Variants in ERO1B observed in about 807,000 individuals in gnomAD.
ERO1B encodes the protein endoplasmic reticulum oxidoreductase 1 beta.
ERO1B carries 49 observed loss-of-function variants against 75.3 expected under a neutral mutation model. The observed-to-expected ratio is 0.65, with a 90% CI of 0.52 to 0.83. The LOEUF is 0.83. Among genes scored for constraint, ERO1B ranks in the 40% least tolerant of loss-of-function variants. The pLI is 0.00. For missense variants in ERO1B, 512 were observed against 560.1 expected (o/e 0.91, Z 0.87); for synonymous variants, 191 against 192.9 (o/e 0.99, Z 0.08).
rs550413850 is a variant in ERO1B, at chr1:236,215,869, T to A, written c.*2647A>T. ...AGATCAAAATAGCTGTCCTTTCTTA[T>A]ATACAGTGGCACATAGGCAAAGTTG... On this transcript the variant is annotated 3_prime_UTR_variant, in exon 16 of 16. Coordinates refer to ENST00000354619, the MANE Select transcript of ERO1B (RefSeq NM_019891.4). 1.3e-5 allele frequency: 2 copies of A among 152,176 alleles called. No homozygotes were observed. The highest frequency in any genetic ancestry group is 4.8e-5 in the African/African-American group (2 of 41,450). The allele number at this position is 152,176 out of a possible 1,614,324, so 9.4% of individuals were successfully genotyped here.
intron 9 of ERO1B, among the ~76,000 whole-genome samples, chr1:236,231,500 G>GAAA (rs57411768): frequency 1.0e-5 from 1 of 95,888 alleles, no homozygotes; most frequent in Non-Finnish European, 2.3e-5. Context: ...TTAAACACTT[G>GAAA]AAAAAAAAAA....
At chr1:236,261,641 CATAA>C (rs2102961573) in intron 2 of ERO1B, among the ~76,000 whole-genome samples, 1 of 152,250 alleles carries the variant, frequency 6.6e-6, no homozygotes, top group East Asian at 1.9e-4. Flanking sequence ...AAACTGAAGA[CATAA>C]ATAAGTGGAA....
intron 13 of ERO1B, among the ~76,000 whole-genome samples, chr1:236,222,739 A>C (rs1231846166): frequency 1.3e-5 from 2 of 152,200 alleles, no homozygotes; most frequent in African/African-American, 2.4e-5. Flanking sequence ...CTAGTCCTAG[A>C]ACAATGATCA....
chr1:236,280,999 C>A (rs1311062109), intron 1 of ERO1B, among the ~76,000 whole-genome samples: 1 of 152,200 alleles, frequency 6.6e-6, no homozygotes, highest in African/African-American at 2.4e-5. Flanking sequence ...CAGCCAGCAC[C>A]TCACGACTGC....
intron 2 of ERO1B, among the ~76,000 whole-genome samples, chr1:236,261,704 A>G (rs928036576): frequency 1.3e-5 from 2 of 152,250 alleles, no homozygotes; most frequent in Non-Finnish European, 2.9e-5. Flanking sequence ...TAAAATGTCC[A>G]TATCACCTAA....
Position 236,281,845 on chromosome 1 carries a change from C to T in ERO1B, c.-62G>A. 7.9e-7 allele frequency: 1 copy of T among 1,265,572 alleles called. No individual in the cohort carries two copies. Among genetic ancestry groups the T allele is most frequent in the South Asian group, 1.9e-5 (1 of 53,724 alleles). 78.4% of individuals were successfully genotyped at this position (1,265,572 alleles called of 1,614,324 possible). A position where few individuals can be genotyped will look rare whatever the true frequency, so the allele number is the denominator to read the frequency against. ...TCGGGGCCGGGGAACGACGGGCGGC[C>T]CAGGCGACGACCCAAGGGGACGGTT... On this transcript the variant is annotated 5_prime_UTR_variant, in exon 1 of 16. Transcript: ENST00000354619.
intron 2 of ERO1B, among the ~76,000 whole-genome samples, chr1:236,257,807 G>A (rs1051704366): frequency 2.0e-5 from 3 of 151,016 alleles, no homozygotes; most frequent in Non-Finnish European, 2.9e-5. Context: ...GGGTCCAACA[G>A]CAGACTAGAT....
At position 236,258,894 on chromosome 1, in the gene ERO1B, T is replaced by C. The variant is rs181618712; in HGVS notation, c.223-5389A>G. On this transcript the variant is annotated intron_variant, in intron 2 of 15. Coordinates refer to ENST00000354619, the MANE Select transcript of ERO1B (RefSeq NM_019891.4). ...ATAGAGTAAGACTCCATCTCAAACA[T>C]AAATAAATAAATAAATTAGAAAACA... Among the ~76,000 whole-genome samples the C allele has an allele frequency of 2.1e-3, 314 of 151,844 alleles. 5 individuals carry two copies. The highest frequency in any genetic ancestry group is 1.6e-4 in the Non-Finnish European group (11 of 67,902).
At chr1:236,276,404 A>G (rs1264237418) in intron 1 of ERO1B, among the ~76,000 whole-genome samples, 1 of 152,236 alleles carries the variant, frequency 6.6e-6, no homozygotes, top group African/African-American at 2.4e-5. Flanking sequence ...TCAAATGATT[A>G]GCAGTCAATG....
intron 2 of ERO1B, among the ~76,000 whole-genome samples, chr1:236,260,562 G>T (rs1428001314): frequency 1.3e-5 from 2 of 152,022 alleles, no homozygotes; most frequent in Admixed American, 6.5e-5. Flanking sequence ...CTACTCAACA[G>T]GCTGAGGCAG....
At chr1:236,244,165 T>G (rs1405628) in intron 5 of ERO1B, among the ~76,000 whole-genome samples, 48,181 of 152,010 alleles carry the variant, frequency 0.32, 8,276 homozygotes, top group East Asian at 0.77. Context: ...ATGATGGTAG[T>G]ATCTATCAGA....
chr1:236,274,465 G>C (rs1314815684), intron 1 of ERO1B, among the ~76,000 whole-genome samples: 1 of 151,930 alleles, frequency 6.6e-6, no homozygotes, highest in East Asian at 1.9e-4. Flanking sequence ...TTTCTGTTAG[G>C]TTATCTTCTT....
rs1665478525 is a variant in ERO1B, at chr1:236,267,601, C to A, written c.222+2274G>T. Among the ~76,000 whole-genome samples the A allele has an allele frequency of 2.6e-5, 4 of 152,250 alleles. No homozygotes were observed. In the South Asian group the frequency reaches 8.3e-4, roughly 32 times the overall value. ...TGGTTTTTGATACAAGAAACACTTCCCCCACTGTATTACATTGAGCAATAT... is the reference window on the plus strand; with the variant it reads ...TGGTTTTTGATACAAGAAACACTTCACCCACTGTATTACATTGAGCAATAT... On this transcript the variant is annotated intron_variant, in intron 2 of 15. Transcript: ENST00000354619.
intron 1 of ERO1B, among the ~76,000 whole-genome samples, chr1:236,279,065 A>C (rs946405423): frequency 2.6e-5 from 4 of 152,234 alleles, no homozygotes; most frequent in African/African-American, 9.6e-5. Flanking sequence ...TACTGTATAG[A>C]CCAGAAAGGG....
At chr1:236,221,585 T>G (rs2102937578) in intron 14 of ERO1B, among the ~76,000 whole-genome samples, 1 of 152,346 alleles carries the variant, frequency 6.6e-6, no homozygotes, top group East Asian at 1.9e-4. Flanking sequence ...TATTTCAATC[T>G]TTTTATGTAA....
At chr1:236,268,711 C>G (rs550968885) in intron 2 of ERO1B, among the ~76,000 whole-genome samples, 4 of 151,364 alleles carry the variant, frequency 2.6e-5, no homozygotes, top group South Asian at 4.2e-4. Flanking sequence ...ATGGTGAAAC[C>G]CCGTCTCTAC....
rs762292679 is a variant in ERO1B at position 236,226,378 on chromosome 1, A to G, written c.943T>C (p.Ser315Pro). 6.2e-7 allele frequency: 1 copy of G among 1,614,096 alleles called. No homozygotes were observed. Among genetic ancestry groups the G allele is most frequent in the South Asian group, 1.1e-5 (1 of 91,078 alleles). ...FLYLIELRAL[S>P]KVAPYFERSI... is the part of the protein sequence containing the mutation. The stretch of plus-strand genomic sequence containing the variant: ...CGCTCAAAATATGGAGCCACCTTTG[A>G]CAAAGCTCGAAGCTCAATCAAGTAT... Residue 315 changes from serine to proline, a missense_variant, in exon 12 of 16, where the codon TCA becomes CCA. Ser to Pro is a moderately conservative substitution (Grantham distance 74). Coordinates refer to ENST00000354619, the MANE Select transcript of ERO1B (RefSeq NM_019891.4).
chr1:236,257,479 A>C (rs1665184563), intron 2 of ERO1B, among the ~76,000 whole-genome samples: 1 of 151,674 alleles, frequency 6.6e-6, no homozygotes, highest in African/African-American at 2.4e-5. Context: ...ATAAAGAATA[A>C]ACCTCCTGAA....
chr1:236,251,867 A>G (rs1216825248), intron 4 of ERO1B, among the ~76,000 whole-genome samples, 183 bp downstream of exon 4: 1 of 152,228 alleles, frequency 6.6e-6, no homozygotes, highest in Non-Finnish European at 1.5e-5. Context: ...AGCAATTTCA[A>G]AAGAATCTAG....
Sources: gnomAD v4.1 joint callset for allele counts (sites outside exome capture counted in the v4.1 genomes callset) on GRCh38, gnomAD v4.1.1 for gene constraint, MANE v1.5 for transcripts, NCBI Gene and HGNC (gene_info 2026-07-23, HGNC 2026-07-21) for gene names.